Variants in GPBP1 observed in about 807,000 individuals in gnomAD.
The protein encoded by GPBP1 is vasculin.
In GPBP1, 13 loss-of-function variants were observed where a neutral mutation model predicts 56.5. The observed-to-expected ratio is 0.23, with a 90% CI of 0.15 to 0.37. The LOEUF (loss-of-function observed/expected upper bound fraction) is 0.37. Ranked by LOEUF, GPBP1 falls within the 10% of genes least tolerant of loss-of-function variation. The pLI, the probability that GPBP1 is intolerant of heterozygous loss-of-function variation, is 1.00. For missense variants in GPBP1, 477 were observed against 572.3 expected, an observed-to-expected ratio of 0.83 and a Z score of 1.70; for synonymous variants, 204 against 188.9, an observed-to-expected ratio of 1.08 and a Z score of -0.66.
At chr5:57,195,462 T>G (rs946585439) in intron 2 of GPBP1, among the ~76,000 whole-genome samples, 1 of 152,182 alleles carries the variant, frequency 6.6e-6, no homozygotes, top group Non-Finnish European at 1.5e-5. Flanking sequence ...TAACATTTTG[T>G]TTAATTAATT....
intron 9 of GPBP1, 52 bp from the exon 10 acceptor site, chr5:57,250,902 T>C (rs1741352962): frequency 8.2e-7 from 1 of 1,224,724 alleles, no homozygotes; most frequent in Non-Finnish European, 1.1e-6. Context: ...TTTTAATAAC[T>C]GTATTCTGTA....
rs141275101 is a variant in GPBP1, at chr5:57,228,896, C to G, written c.64-1950C>G. Among the ~76,000 whole-genome samples the G allele has an allele frequency of 3.2e-3, 478 of 151,542 alleles. 4 individuals are homozygous for G. The highest frequency in any genetic ancestry group is 0.011 in the African/African-American group (456 of 41,314). The stretch of plus-strand genomic sequence containing the variant: ...TTCCCTCCCTACTGAGAGAAGTAAG[C>G]AAGCATATATGTATGTGTATGTTTT... On this transcript the variant is annotated intron_variant, in intron 3 of 11. Coordinates refer to ENST00000506184, the MANE Select transcript of GPBP1 (RefSeq NM_022913.4).
intron 5 of GPBP1, among the ~76,000 whole-genome samples, chr5:57,233,712 G>GA (rs548404519): frequency 1.6e-4 from 24 of 152,294 alleles, no homozygotes; most frequent in African/African-American, 5.8e-4. Context: ...AAGAGGAAGA[G>GA]AAGGGGTTGG....
At chr5:57,199,762 C>G (rs1403575324) in intron 2 of GPBP1, among the ~76,000 whole-genome samples, 1 of 152,164 alleles carries the variant, frequency 6.6e-6, no homozygotes, top group Admixed American at 6.5e-5. Flanking sequence ...AAATACTTCC[C>G]TTGCCTGCTG....
At chr5:57,183,227 C>T (rs1253346522) in intron 2 of GPBP1, among the ~76,000 whole-genome samples, 2 of 152,006 alleles carry the variant, frequency 1.3e-5, no homozygotes, top group African/African-American at 2.4e-5. Flanking sequence ...ATTAGCTGGG[C>T]GTGGTGGCAC....
intron 10 of GPBP1, among the ~76,000 whole-genome samples, chr5:57,253,071 T>C (rs1365355286): frequency 6.6e-6 from 1 of 152,236 alleles, no homozygotes; most frequent in Non-Finnish European, 1.5e-5. Context: ...TTTTAAAAAA[T>C]AGTGATCTCT....
At chr5:57,202,518 AC>A (rs1293322825) in intron 2 of GPBP1, among the ~76,000 whole-genome samples, 1 of 151,956 alleles carries the variant, frequency 6.6e-6, no homozygotes, top group African/African-American at 2.4e-5. Context: ...CGAACTCCTG[AC>A]CTGCAGTGAT....
intron 3 of GPBP1, among the ~76,000 whole-genome samples, chr5:57,230,549 G>C (rs1756406164): frequency 1.3e-5 from 2 of 152,058 alleles, no homozygotes; most frequent in South Asian, 4.1e-4. Context: ...TTAACATTTT[G>C]TTGAGAAACA....
chr5:57,222,591 T>C (rs1756000328), intron 3 of GPBP1, among the ~76,000 whole-genome samples: 1 of 152,208 alleles, frequency 6.6e-6, no homozygotes, highest in Non-Finnish European at 1.5e-5. Context: ...TTCATCTCTT[T>C]TTAGTGGCTG....
intron 2 of GPBP1, among the ~76,000 whole-genome samples, chr5:57,209,582 A>G (rs1007271268): frequency 6.6e-6 from 1 of 152,134 alleles, no homozygotes; most frequent in Non-Finnish European, 1.5e-5. Flanking sequence ...TTAAGGGGAA[A>G]GCTTTCAGTC....
chr5:57,205,393 A>G (rs1369719067), intron 2 of GPBP1, among the ~76,000 whole-genome samples: 1 of 152,186 alleles, frequency 6.6e-6, no homozygotes, highest in African/African-American at 2.4e-5. Flanking sequence ...GGTGTACAAC[A>G]ATTTGAGCAT....
intron 8 of GPBP1, among the ~76,000 whole-genome samples, chr5:57,248,048 T>A (rs1246604971): frequency 6.6e-6 from 1 of 152,076 alleles, no homozygotes; most frequent in Non-Finnish European, 1.5e-5. Context: ...GGACCAAGAG[T>A]AATTTTTAAG....
chr5:57,191,893 G>A (rs1417033239), intron 2 of GPBP1, among the ~76,000 whole-genome samples: 1 of 152,032 alleles, frequency 6.6e-6, no homozygotes, highest in Admixed American at 6.6e-5. Flanking sequence ...TGAAATATAT[G>A]AGCAGAATTT....
chr5:57,230,993 T>A (rs202155609), intron 4 of GPBP1, 24 bp downstream of exon 4: 1 of 841,886 alleles, frequency 1.2e-6, no homozygotes, highest in Non-Finnish European at 1.5e-6. Flanking sequence ...AGGAATGATG[T>A]TTATGGCTAA....
chr5:57,224,846 C>T (rs1756109897), intron 3 of GPBP1, among the ~76,000 whole-genome samples: 1 of 151,618 alleles, frequency 6.6e-6, no homozygotes, highest in East Asian at 1.9e-4. Context: ...ATAATTCTAA[C>T]TTATTAGATT....
chr5:57,259,384 A>C (rs1741796320), intron 10 of GPBP1, among the ~76,000 whole-genome samples: 1 of 152,356 alleles, frequency 6.6e-6, no homozygotes, highest in African/African-American at 2.4e-5. Flanking sequence ...AGCAGGTGCA[A>C]GTTAAAAGAT....
rs185374556 is a variant in GPBP1 at position 57,206,459 on chromosome 5, C to T, written c.-57-7615C>T. Among the ~76,000 whole-genome samples, 200 of 152,128 alleles carry T rather than the reference C, an allele frequency of 1.3e-3. 1 individual carries two copies. The highest frequency in any genetic ancestry group is 2.8e-3 in the Admixed American group (43 of 15,246). On this transcript the variant is annotated intron_variant, in intron 2 of 11. Transcript: ENST00000506184. ...TGTTGCCCAGGCTGGAGTGTAGTAG[C>T]GCGATCCCGGCTCACTGCCACCTCT... is the stretch of plus-strand genomic sequence containing the variant.
At chr5:57,203,867 T>A (rs777933537) in intron 2 of GPBP1, among the ~76,000 whole-genome samples, 1 of 152,168 alleles carries the variant, frequency 6.6e-6, no homozygotes, top group Non-Finnish European at 1.5e-5. Flanking sequence ...AGATAAGACA[T>A]TGGATACTTC....
chr5:57,254,430 C>A (rs905658617), intron 10 of GPBP1, among the ~76,000 whole-genome samples: 1 of 152,136 alleles, frequency 6.6e-6, no homozygotes, highest in Non-Finnish European at 1.5e-5. Context: ...CGTTGTGGCT[C>A]ACACCTGTAA....
Sources: allele counts gnomAD v4.1 joint callset (sites outside exome capture counted in the v4.1 genomes callset), GRCh38; gene constraint gnomAD v4.1.1; transcripts MANE v1.5; gene names NCBI Gene and HGNC (gene_info 2026-07-23, HGNC 2026-07-21).